The following ROBO2 variants were observed in gnomAD, a reference collection of about 807,000 sequenced individuals.
ROBO2 encodes roundabout guidance receptor 2.
In ROBO2, 53 loss-of-function variants were observed where a neutral mutation model predicts 160.8. The observed-to-expected ratio is 0.33, with a 90% CI of 0.26 to 0.41. The LOEUF (loss-of-function observed/expected upper bound fraction) is 0.41, where lower values mean the gene tolerates loss of function less well. Ranked by LOEUF, ROBO2 falls within the 10% of genes least tolerant of loss-of-function variation. The probability of loss-of-function intolerance (pLI) is 1.00; values close to 1 mark genes in which losing one functional copy is unlikely to be tolerated. For synonymous variants in ROBO2, 664 were observed against 611.7 expected (o/e 1.09, Z -1.26); for missense variants, 1,577 against 1,722.4 (o/e 0.92, Z 1.49).
chr3:75,931,631 C>G (rs1355192516), intron 1 of ROBO2, among the ~76,000 whole-genome samples: 1 of 152,138 alleles, frequency 6.6e-6, no homozygotes, highest in Non-Finnish European at 1.5e-5. Flanking sequence ...GGATTACAGG[C>G]ATAAGCCACC....
At chr3:76,275,315 G>T (rs993979837) in intron 2 of ROBO2, among the ~76,000 whole-genome samples, 2 of 152,002 alleles carry the variant, frequency 1.3e-5, no homozygotes, top group African/African-American at 4.8e-5. Context: ...AAGTTTTAGG[G>T]TACATGGAGG....
At chr3:76,748,846 G>A (rs2093934312) in intron 2 of ROBO2, among the ~76,000 whole-genome samples, 1 of 151,714 alleles carries the variant, frequency 6.6e-6, no homozygotes. Context: ...TTTGTTTTAA[G>A]GAGACAATCA....
chr3:77,154,529 C>T (rs775178733), intron 2 of ROBO2, among the ~76,000 whole-genome samples: 2 of 151,912 alleles, frequency 1.3e-5, no homozygotes, highest in Non-Finnish European at 2.9e-5. Context: ...GGGTATATAT[C>T]CAAAAGAAAA....
At chr3:76,713,737 T>C (rs895584019) in intron 2 of ROBO2, among the ~76,000 whole-genome samples, 1 of 152,152 alleles carries the variant, frequency 6.6e-6, no homozygotes, top group Non-Finnish European at 1.5e-5. Flanking sequence ...ATTAGGCATC[T>C]TTATTCAACA....
chr3:77,023,511 G>T (rs914432866), intron 2 of ROBO2, among the ~76,000 whole-genome samples: 1 of 152,124 alleles, frequency 6.6e-6, no homozygotes, highest in Non-Finnish European at 1.5e-5. Context: ...GGCTCCAAAA[G>T]CTTATAATAA....
At chr3:76,646,986 C>T (rs1192637130) in intron 2 of ROBO2, among the ~76,000 whole-genome samples, 1 of 152,064 alleles carries the variant, frequency 6.6e-6, no homozygotes, top group Non-Finnish European at 1.5e-5. Flanking sequence ...ACTTAGAAGC[C>T]TGGAAATGTT....
At chr3:76,774,989 C>T (rs897984650) in intron 2 of ROBO2, among the ~76,000 whole-genome samples, 1 of 150,362 alleles carries the variant, frequency 6.7e-6, no homozygotes, top group African/African-American at 2.4e-5. Flanking sequence ...TTTGGTCTAG[C>T]TTCATGATCA....
At chr3:76,805,952 T>C (rs542117058) in intron 2 of ROBO2, among the ~76,000 whole-genome samples, 2 of 152,110 alleles carry the variant, frequency 1.3e-5, no homozygotes, top group East Asian at 3.9e-4. Flanking sequence ...TCTCTTGTAC[T>C]AAGATTACAT....
intron 2 of ROBO2, among the ~76,000 whole-genome samples, chr3:76,569,527 A>G (rs1049501869): frequency 3.9e-5 from 6 of 152,208 alleles, no homozygotes; most frequent in African/African-American, 1.2e-4. Flanking sequence ...ACAATGAATT[A>G]TGCACATATA....
intron 2 of ROBO2, among the ~76,000 whole-genome samples, chr3:76,621,372 G>A (rs2089067956): frequency 6.6e-6 from 1 of 152,168 alleles, no homozygotes; most frequent in Admixed American, 6.6e-5. Context: ...GTGCATAACT[G>A]CATTCTGCTT....
At chr3:76,141,076 T>TATATATATATATATATATATATATAA (rs1157246932) in intron 2 of ROBO2, among the ~76,000 whole-genome samples, 5 of 114,126 alleles carry the variant, frequency 4.4e-5, no homozygotes, top group Non-Finnish European at 7.3e-5. Flanking sequence ...TATATATATA[T>TATATATATATATATATATATATATAA]AAAATATATG....
intron 2 of ROBO2, among the ~76,000 whole-genome samples, chr3:76,221,631 G>A (rs192747681): frequency 2.1e-4 from 32 of 152,264 alleles, no homozygotes; most frequent in Non-Finnish European, 3.8e-4. Flanking sequence ...AAGGTATTGC[G>A]ATCTAGCTGG....
At chr3:76,877,945 T>G (rs2072928644) in intron 2 of ROBO2, among the ~76,000 whole-genome samples, 1 of 152,156 alleles carries the variant, frequency 6.6e-6, no homozygotes, top group Admixed American at 6.5e-5. Context: ...ACATGGAGAT[T>G]TCATCTTTCT....
At chr3:77,620,855 G>A (rs1354365207) in intron 22 of ROBO2, among the ~76,000 whole-genome samples, 1 of 152,094 alleles carries the variant, frequency 6.6e-6, no homozygotes, top group Non-Finnish European at 1.5e-5. Flanking sequence ...AAAATGCATA[G>A]TACTTTTTAA....
chr3:77,085,656 T>A (rs1484004029), intron 1 of ROBO2, among the ~76,000 whole-genome samples: 2 of 152,092 alleles, frequency 1.3e-5, no homozygotes, highest in African/African-American at 2.4e-5. Context: ...CCAAAAGCCA[T>A]TGTACAATAT....
intron 1 of ROBO2, among the ~76,000 whole-genome samples, chr3:77,054,544 A>G (rs1234168853): frequency 6.6e-6 from 1 of 152,162 alleles, no homozygotes; most frequent in East Asian, 1.9e-4. Flanking sequence ...CCTGGTTAAT[A>G]AGGATGCTAG....
intron 1 of ROBO2, among the ~76,000 whole-genome samples, chr3:77,085,773 G>C (rs2069219791): frequency 6.6e-6 from 1 of 152,160 alleles, no homozygotes; most frequent in East Asian, 1.9e-4. Context: ...TTTATTTAAA[G>C]ATACACAATT....
At chr3:76,272,769 TTTA>T (rs1707540308) in intron 2 of ROBO2, among the ~76,000 whole-genome samples, 5 of 43,906 alleles carry the variant, frequency 1.1e-4, no homozygotes, top group Non-Finnish European at 1.3e-4. Flanking sequence ...ATAATATATA[TTTA>T]TATATAAAAT....
intron 2 of ROBO2, among the ~76,000 whole-genome samples, chr3:76,404,935 TATA>T (rs1393314877): frequency 1.3e-5 from 2 of 151,686 alleles, no homozygotes; most frequent in African/African-American, 4.8e-5. Flanking sequence ...AGTACTTACA[TATA>T]ATAAGGCATA....
Sources: gnomAD v4.1 joint callset for allele counts (sites outside exome capture counted in the v4.1 genomes callset) on GRCh38, gnomAD v4.1.1 for gene constraint, MANE v1.5 for transcripts, NCBI Gene and HGNC (gene_info 2026-07-23, HGNC 2026-07-21) for gene names.